Variants in CORO2B observed in about 807,000 individuals in gnomAD.
CORO2B encodes coronin 2B, also known as coronin-2B.
In CORO2B, 26 loss-of-function variants were observed where a neutral mutation model predicts 58.8. The ratio of observed to expected loss-of-function variants is 0.44; its 90% CI spans 0.32 to 0.61. CORO2B has a LOEUF of 0.61. Ranked by LOEUF, CORO2B falls within the 20% of genes least tolerant of loss-of-function variation. The pLI is 0.04. For synonymous variants in CORO2B, 242 were observed against 253.8 expected, an observed-to-expected ratio of 0.95 and a Z score of 0.44; for missense variants, 460 against 645.1, an observed-to-expected ratio of 0.71 and a Z score of 3.11.
chr15:68,576,105 A>G (rs1448997930), upstream of CORO2B, among the ~76,000 whole-genome samples: 3 of 131,360 alleles, frequency 2.3e-5, no homozygotes, highest in Non-Finnish European at 4.7e-5. Flanking sequence ...GTGAGCCAAG[A>G]CCACGCCATT....
intron 2 of CORO2B, among the ~76,000 whole-genome samples, chr15:68,672,159 G>GGTGTGTGTGTGTGTGTGTGT (rs60989044): frequency 0.046 from 6,721 of 146,190 alleles, 180 homozygotes; most frequent in African/African-American, 0.056. Flanking sequence ...GTAATCGGGA[G>GGTGTGTGTGTGTGTGTGTGT]GTGTGTGTGT....
the CORO2B span, among the ~76,000 whole-genome samples, chr15:68,569,728 G>T: frequency 6.6e-6 from 1 of 152,246 alleles, no homozygotes; most frequent in African/African-American, 2.4e-5. Context: ...GTCTTCCAAA[G>T]TGGCTGTACT....
At chr15:68,601,499 A>G (rs750624202) in intron 1 of CORO2B, among the ~76,000 whole-genome samples, 8 of 152,186 alleles carry the variant, frequency 5.3e-5, no homozygotes, top group Non-Finnish European at 1.2e-4. Flanking sequence ...GATTGCGGCC[A>G]TGAGCGTGCA....
intron 2 of CORO2B, among the ~76,000 whole-genome samples, chr15:68,678,252 G>C (rs1228714318): frequency 6.6e-6 from 1 of 152,212 alleles, no homozygotes; most frequent in African/African-American, 2.4e-5. Flanking sequence ...AGGCAGAACA[G>C]CCTAGCACTC....
chr15:68,579,408 CTT>C, intron 1 of CORO2B, 131 bp downstream of exon 1: 2 of 939,074 alleles, frequency 2.1e-6, no homozygotes, highest in Non-Finnish European at 2.7e-6. Flanking sequence ...GCGCGCCTCT[CTT>C]GCTGCCGGAT....
chr15:68,611,188 G>A (rs187475674), intron 1 of CORO2B, among the ~76,000 whole-genome samples: 7 of 152,226 alleles, frequency 4.6e-5, no homozygotes, highest in African/African-American at 1.7e-4. Context: ...GGAGTAACAC[G>A]CTCCATGATT....
intron 3 of CORO2B, among the ~76,000 whole-genome samples, chr15:68,696,076 A>C (rs527974408): frequency 3.2e-5 from 2 of 62,024 alleles, no homozygotes; most frequent in Non-Finnish European, 6.9e-5. Flanking sequence ...GTCTCTACAA[A>C]AAATTGAATT....
At chr15:68,665,626 C>T (rs1357193455) in intron 2 of CORO2B, among the ~76,000 whole-genome samples, 1 of 151,702 alleles carries the variant, frequency 6.6e-6, no homozygotes, top group Non-Finnish European at 1.5e-5. Flanking sequence ...TCCTTTGTGT[C>T]CTTTTGTGGT....
chr15:68,589,384 C>T (rs1899644010), intron 1 of CORO2B, among the ~76,000 whole-genome samples: 1 of 152,142 alleles, frequency 6.6e-6, no homozygotes. Context: ...TTTTCGAATA[C>T]CAGGTATAGA....
intron 2 of CORO2B, among the ~76,000 whole-genome samples, chr15:68,681,830 A>C (rs971662592): frequency 2.0e-5 from 3 of 152,226 alleles, no homozygotes; most frequent in Non-Finnish European, 2.9e-5. Context: ...GTTGAGGAGC[A>C]GAGATAACAC....
chr15:68,631,692 G>GC (rs2140260469), intron 1 of CORO2B, among the ~76,000 whole-genome samples: 1 of 152,336 alleles, frequency 6.6e-6, no homozygotes, highest in South Asian at 2.1e-4. Flanking sequence ...CACACCAGGT[G>GC]CCAGGGGGCA....
chr15:68,718,668 C>A lies in CORO2B; in HGVS notation c.968-30C>A, dbSNP rs186437576. On this transcript the variant is annotated intron_variant, in intron 8 of 11. Transcript: ENST00000261861. ...GTCACTGAGACGCAGTTTCTGGGAC[C>A]CCATGGAGCCACATGTGTGCCTGTT... The A allele has an allele frequency of 6.3e-6, 10 of 1,576,754 alleles. No homozygotes were observed. In the East Asian group the frequency reaches 2.2e-4, roughly 35 times the overall value.
At position 68,588,550 on chromosome 15, in the gene CORO2B, CT is replaced by C. The variant is rs1415045676; in HGVS notation, c.15+9274del. Reference sequence around the variant, plus strand: ...GGTGGGTCCCAGAGCACAGTCCTACCTGGGTCCCTGGGCAGAAAGACCAGGT... The same window carrying C: ...GGTGGGTCCCAGAGCACAGTCCTACCGGGTCCCTGGGCAGAAAGACCAGGT... On this transcript the variant is annotated intron_variant, in intron 1 of 11. Transcript: ENST00000261861. 3.3e-5 allele frequency among the ~76,000 whole-genome samples: 5 copies of C among 152,314 alleles called. No individual in the cohort carries two copies. The South Asian group carries it at 6.2e-4, about 19-fold the overall frequency.
At chr15:68,531,828 C>T in the CORO2B span, among the ~76,000 whole-genome samples, 2 of 150,570 alleles carry the variant, frequency 1.3e-5, no homozygotes, top group South Asian at 2.1e-4. Context: ...TAGCTTTTCT[C>T]AGAGTGTAGG....
At position 68,678,493 on chromosome 15, in the gene CORO2B, G is replaced by A. The variant is rs1370836091; in HGVS notation, c.217-16647G>A. Reference sequence around the variant, plus strand: ...GTTCAAGACCAGCCTGGCCAACATGGTGAAACCCCATCTCTACTAAAAATA... The same window carrying A: ...GTTCAAGACCAGCCTGGCCAACATGATGAAACCCCATCTCTACTAAAAATA... On this transcript the variant is annotated intron_variant, in intron 2 of 11. Coordinates refer to ENST00000261861, the MANE Select transcript of CORO2B (RefSeq NM_006091.5). 3.9e-5 allele frequency among the ~76,000 whole-genome samples: 6 copies of A among 152,110 alleles called. No individual in the cohort carries two copies. The South Asian group carries it at 1.2e-3, about 32-fold the overall frequency.
At chr15:68,663,786 A>G (rs1902093091) in intron 2 of CORO2B, among the ~76,000 whole-genome samples, 1 of 152,248 alleles carries the variant, frequency 6.6e-6, no homozygotes, top group Admixed American at 6.5e-5. Context: ...CAAATAGCCA[A>G]TAGGCCTGTG....
intron 8 of CORO2B, among the ~76,000 whole-genome samples, chr15:68,717,527 G>A (rs1893060678): frequency 6.6e-6 from 1 of 152,124 alleles, no homozygotes; most frequent in African/African-American, 2.4e-5. Context: ...TGGAGGGGTG[G>A]AGAGGAAAGA....
intron 1 of CORO2B, among the ~76,000 whole-genome samples, chr15:68,623,228 C>T (rs1900574861): frequency 6.6e-6 from 1 of 152,146 alleles, no homozygotes; most frequent in African/African-American, 2.4e-5. Context: ...ATATTGTTTG[C>T]TTAGGGTCAC....
intron 1 of CORO2B, among the ~76,000 whole-genome samples, chr15:68,589,518 A>G (rs1286836269): frequency 1.3e-5 from 2 of 152,272 alleles, no homozygotes; most frequent in African/African-American, 4.8e-5. Context: ...GATGTACAGT[A>G]GAAACGCCCA....
Sources: allele counts gnomAD v4.1 joint callset (sites outside exome capture counted in the v4.1 genomes callset), GRCh38; gene constraint gnomAD v4.1.1; transcripts MANE v1.5; gene names NCBI Gene and HGNC (gene_info 2026-07-23, HGNC 2026-07-21).